The following TMEM117 variants were observed in gnomAD, a reference collection of about 807,000 sequenced individuals.
TMEM117 encodes transmembrane protein 117.
Under a neutral mutation model 52.4 loss-of-function variants are expected in TMEM117, and 27 were observed. That is an observed-to-expected ratio of 0.51 (90% CI 0.38 to 0.71). The LOEUF (loss-of-function observed/expected upper bound fraction) is 0.71. Among genes scored for constraint, TMEM117 ranks in the 30% least tolerant of loss-of-function variants. The pLI is 0.00. For missense variants in TMEM117, 556 were observed against 630.5 expected (o/e 0.88, Z 1.26); for synonymous variants, 215 against 206.3 (o/e 1.04, Z -0.36).
chr12:44,293,942 A>T (rs982927599), intron 5 of TMEM117, among the ~76,000 whole-genome samples: 1 of 152,092 alleles, frequency 6.6e-6, no homozygotes. Flanking sequence ...TTTTCAGTTC[A>T]ATTTAGCATT....
chr12:44,390,462 C>T (rs536417635), downstream of TMEM117, among the ~76,000 whole-genome samples: 12 of 151,688 alleles, frequency 7.9e-5, no homozygotes, highest in South Asian at 1.0e-3. Context: ...AGAAAGTAGA[C>T]GTTTATTATC....
At chr12:44,174,583 A>G (rs886417722) in intron 4 of TMEM117, among the ~76,000 whole-genome samples, 8 of 152,194 alleles carry the variant, frequency 5.3e-5, no homozygotes, top group African/African-American at 1.9e-4. Flanking sequence ...AGTACCTTTA[A>G]TAAAGTCATT....
intron 2 of TMEM117, among the ~76,000 whole-genome samples, chr12:43,931,313 C>G (rs1368210431): frequency 6.6e-6 from 1 of 152,060 alleles, no homozygotes; most frequent in Non-Finnish European, 1.5e-5. Context: ...TAAATGCATC[C>G]AAGAACAAAA....
intron 2 of TMEM117, among the ~76,000 whole-genome samples, chr12:43,891,736 T>C (rs530928593): frequency 3.2e-4 from 48 of 152,152 alleles, no homozygotes; most frequent in Non-Finnish European, 6.5e-4. Context: ...TTATTTTATA[T>C]AATTTTCTCC....
At chr12:44,349,286 G>A (rs1951531656) in intron 6 of TMEM117, among the ~76,000 whole-genome samples, 1 of 151,890 alleles carries the variant, frequency 6.6e-6, no homozygotes, top group Admixed American at 6.6e-5. Context: ...ATTCTCCAGG[G>A]CTTCTGTCAT....
At chr12:44,211,226 C>CT in intron 4 of TMEM117, 64 bp from the exon 5 acceptor site, 3 of 1,063,148 alleles carry the variant, frequency 2.8e-6, no homozygotes, top group Non-Finnish European at 4.3e-6. Flanking sequence ...AAATTATAGG[C>CT]TTATAGTTAA....
chr12:44,379,463 A>G (rs553867844), intron 7 of TMEM117, among the ~76,000 whole-genome samples: 8 of 152,344 alleles, frequency 5.3e-5, no homozygotes, highest in East Asian at 1.9e-4. Flanking sequence ...ATGCATCCAC[A>G]TAGCCATGAT....
At chr12:44,001,256 G>A (rs1008746846) in intron 3 of TMEM117, among the ~76,000 whole-genome samples, 1 of 152,204 alleles carries the variant, frequency 6.6e-6, no homozygotes, top group African/African-American at 2.4e-5. Context: ...CATCTATTCA[G>A]AGAGTGTATA....
At chr12:43,989,008 CA>C (rs1945894224) in intron 3 of TMEM117, among the ~76,000 whole-genome samples, 1 of 151,948 alleles carries the variant, frequency 6.6e-6, no homozygotes, top group Non-Finnish European at 1.5e-5. Context: ...CAAAAGGATT[CA>C]AAAACCCTCC....
At chr12:43,973,281 C>CA (rs1252669543) in intron 3 of TMEM117, among the ~76,000 whole-genome samples, 1 of 151,082 alleles carries the variant, frequency 6.6e-6, no homozygotes, top group African/African-American at 2.4e-5. Flanking sequence ...AGTGGCAAGA[C>CA]AAAAAATGGA....
At position 44,342,640 on chromosome 12, in the gene TMEM117, C is replaced by CAA. The variant is rs1205448518; in HGVS notation, c.769-33939_769-33938dup. Among the ~76,000 whole-genome samples the CAA allele has an allele frequency of 9.3e-4, 79 of 84,594 alleles. 1 individual carries two copies. The highest frequency in any genetic ancestry group is 1.8e-3 in the African/African-American group (56 of 30,274). The allele number at this position is 84,594 out of a possible 152,430, so 55.5% of individuals were successfully genotyped here. ...AAACAGAAATGAGTTGCTGATTAGTCAAAAAAAAAAAAAAAAAGACTCATT... is the reference window on the plus strand; with the variant it reads ...AAACAGAAATGAGTTGCTGATTAGTCAAAAAAAAAAAAAAAAAAAGACTCATT... On this transcript the variant is annotated intron_variant, in intron 6 of 7. Transcript: ENST00000266534.
intron 3 of TMEM117, among the ~76,000 whole-genome samples, chr12:44,122,748 T>A (rs1166688318): frequency 6.6e-6 from 1 of 152,168 alleles, no homozygotes; most frequent in Admixed American, 6.5e-5. Context: ...ATGATCTCAT[T>A]CCTTTTTATG....
At position 44,348,949 on chromosome 12, in the gene TMEM117, G is replaced by A. The variant is rs1395090582; in HGVS notation, c.769-27646G>A. ...TTGTCAGAGAGATGATTCCTTTATAGCTTAGCCTGTATCTCCAGGCTTGAA... is the reference window on the plus strand; with the variant it reads ...TTGTCAGAGAGATGATTCCTTTATAACTTAGCCTGTATCTCCAGGCTTGAA... On this transcript the variant is annotated intron_variant, in intron 6 of 7. Transcript: ENST00000266534. Among the ~76,000 whole-genome samples the A allele has an allele frequency of 2.0e-5, 3 of 151,708 alleles. No homozygotes were observed. In the East Asian group the frequency reaches 5.8e-4, roughly 30 times the overall value.
chr12:44,040,262 A>C (rs1946776086), intron 3 of TMEM117, among the ~76,000 whole-genome samples: 1 of 152,088 alleles, frequency 6.6e-6, no homozygotes, highest in African/African-American at 2.4e-5. Flanking sequence ...AGTAATTATA[A>C]GTTTATATAA....
At chr12:44,366,601 C>T (rs1392741903) in intron 6 of TMEM117, among the ~76,000 whole-genome samples, 1 of 152,062 alleles carries the variant, frequency 6.6e-6, no homozygotes. Context: ...CTTGACCTAA[C>T]CCTCATTGAA....
intron 4 of TMEM117, among the ~76,000 whole-genome samples, chr12:44,147,958 A>G (rs1948669114): frequency 6.6e-6 from 1 of 152,012 alleles, no homozygotes; most frequent in Admixed American, 6.6e-5. Flanking sequence ...AGAAAAAGAA[A>G]AAGACAATTC....
chr12:43,849,620 TTC>T (rs72048937), intron 2 of TMEM117, among the ~76,000 whole-genome samples: 3 of 152,186 alleles, frequency 2.0e-5, no homozygotes, highest in East Asian at 1.9e-4. Flanking sequence ...TGCAAGTGAA[TTC>T]TCTCTCTCTT....
At chr12:44,037,586 G>C (rs1946729828) in intron 3 of TMEM117, among the ~76,000 whole-genome samples, 1 of 152,152 alleles carries the variant, frequency 6.6e-6, no homozygotes, top group African/African-American at 2.4e-5. Flanking sequence ...TGAAGCCTGG[G>C]GGCCTGGCTG....
intron 3 of TMEM117, among the ~76,000 whole-genome samples, chr12:44,027,644 A>C (rs537486403): frequency 3.0e-4 from 45 of 152,308 alleles, no homozygotes; most frequent in African/African-American, 9.4e-4. Flanking sequence ...GCATTACATG[A>C]AGAGGCACAT....
Sources: allele counts gnomAD v4.1 joint callset (sites outside exome capture counted in the v4.1 genomes callset), GRCh38; gene constraint gnomAD v4.1.1; transcripts MANE v1.5; gene names NCBI Gene and HGNC (gene_info 2026-07-23, HGNC 2026-07-21).